The following ERC1 variants were observed in gnomAD, a reference collection of about 807,000 sequenced individuals.
ERC1 encodes the protein RAB6 interacting protein 2.
In ERC1, 56 loss-of-function variants were observed where a neutral mutation model predicts 132.0. The observed-to-expected ratio is 0.42, with a 90% confidence interval of 0.34 to 0.53. The LOEUF (loss-of-function observed/expected upper bound fraction) is 0.53, where lower values mean the gene tolerates loss of function less well. ERC1 is among the 20% of genes least tolerant of loss of function. ERC1 has a pLI of 0.03. For synonymous variants in ERC1, 478 were observed against 476.1 expected (o/e 1.00, Z -0.05); for missense variants, 1,202 against 1,349.9 (o/e 0.89, Z 1.72).
intron 13 of ERC1, 48 bp downstream of exon 13, chr12:1,236,952 C>T (rs1024941010): frequency 6.2e-7 from 1 of 1,602,780 alleles, no homozygotes; most frequent in African/African-American, 1.3e-5. Context: ...GACATTTGAT[C>T]CGTAATCGCA....
chr12:1,377,218 T>G (rs1809017069), intron 16 of ERC1, among the ~76,000 whole-genome samples: 1 of 152,218 alleles, frequency 6.6e-6, no homozygotes, highest in African/African-American at 2.4e-5. Flanking sequence ...TTTTATTAAC[T>G]TCCGTCCACT....
intron 16 of ERC1, among the ~76,000 whole-genome samples, chr12:1,379,844 A>G (rs2088422561): frequency 6.6e-6 from 1 of 152,166 alleles, no homozygotes; most frequent in South Asian, 2.1e-4. Context: ...CACACAGACC[A>G]ACCCTTATAT....
intron 2 of ERC1, among the ~76,000 whole-genome samples, chr12:1,058,266 A>G (rs1371657239): frequency 2.6e-5 from 4 of 152,234 alleles, no homozygotes; most frequent in East Asian, 1.9e-4. Context: ...TTCCTAGACC[A>G]GTGTCCTCAA....
At chr12:1,424,848 A>AGAT (rs1357593078) in intron 17 of ERC1, among the ~76,000 whole-genome samples, 52 of 109,708 alleles carry the variant, frequency 4.7e-4, no homozygotes, top group Non-Finnish European at 6.2e-4. Flanking sequence ...GATAGATGAT[A>AGAT]GATAGATAGA....
At chr12:1,061,801 C>G (rs1937984339) in intron 2 of ERC1, among the ~76,000 whole-genome samples, 1 of 150,890 alleles carries the variant, frequency 6.6e-6, no homozygotes, top group Non-Finnish European at 1.5e-5. Context: ...GTCTTTATTT[C>G]TTACACTAAT....
At chr12:1,250,487 G>T (rs118107700) in intron 13 of ERC1, among the ~76,000 whole-genome samples, 2,764 of 152,108 alleles carry the variant, frequency 0.018, 41 homozygotes, top group Non-Finnish European at 0.03. Context: ...TTTCTTTTTA[G>T]TTTTTCTTAA....
At chr12:1,465,234 T>A (rs1018790188) in intron 18 of ERC1, among the ~76,000 whole-genome samples, 1 of 152,216 alleles carries the variant, frequency 6.6e-6, no homozygotes, top group African/African-American at 2.4e-5. Flanking sequence ...GAATGTGACC[T>A]GCACCAATGC....
intron 15 of ERC1, among the ~76,000 whole-genome samples, chr12:1,304,506 G>A (rs2080683913): frequency 6.6e-6 from 1 of 152,146 alleles, no homozygotes; most frequent in South Asian, 2.1e-4. Flanking sequence ...TAGTCTTTAA[G>A]GCACTCTGCG....
intron 12 of ERC1, among the ~76,000 whole-genome samples, chr12:1,229,620 AAT>A (rs1281046764): frequency 6.6e-6 from 1 of 152,178 alleles, no homozygotes; most frequent in African/African-American, 2.4e-5. Flanking sequence ...TAATTTTCAT[AAT>A]ATTCTCCTTG....
intron 12 of ERC1, among the ~76,000 whole-genome samples, chr12:1,233,875 G>A (rs2075237300): frequency 1.3e-5 from 2 of 152,134 alleles, no homozygotes; most frequent in South Asian, 4.2e-4. Flanking sequence ...AAATAAAGTA[G>A]CCGTAAGAAA....
chr12:1,006,051 G>A (rs763614111), intron 1 of ERC1, among the ~76,000 whole-genome samples: 10 of 151,072 alleles, frequency 6.6e-5, no homozygotes, highest in Non-Finnish European at 1.2e-4. Flanking sequence ...TCTGCTTCCC[G>A]GGTTCAAGCA....
chr12:1,165,260 C>G (rs1262946902), intron 8 of ERC1, among the ~76,000 whole-genome samples: 2 of 151,842 alleles, frequency 1.3e-5, no homozygotes, highest in Non-Finnish European at 2.9e-5. Context: ...ACAAGACTGC[C>G]TTTTAGAAGA....
chr12:1,160,122 T>G (rs1951754280), intron 8 of ERC1, among the ~76,000 whole-genome samples: 1 of 152,194 alleles, frequency 6.6e-6, no homozygotes, highest in Non-Finnish European at 1.5e-5. Flanking sequence ...AACAAATCGT[T>G]TAGACTAACA....
At chr12:1,233,470 CAAAAAAA>C (rs60542316) in intron 12 of ERC1, among the ~76,000 whole-genome samples, 3 of 71,496 alleles carry the variant, frequency 4.2e-5, no homozygotes, top group East Asian at 9.0e-4. Flanking sequence ...GACCCTGTCT[CAAAAAAA>C]AAAAAAAAAA....
In ERC1 at chr12:1,027,914, G is replaced by A. The variant is rs1254360570; in HGVS notation, c.11G>A (p.Ser4Asn). 3.1e-6 allele frequency: 5 copies of A among 1,605,064 alleles called. No individual in the cohort carries two copies. Among genetic ancestry groups the A allele is most frequent in the Non-Finnish European group, 3.4e-6 (4 of 1,173,858 alleles). Residue 4 changes from serine (S) to asparagine (N), a missense_variant, in exon 2 of 19, where the codon AGT becomes AAT. Coordinates refer to ENST00000360905, the MANE Select transcript of ERC1 (RefSeq NM_178040.4). ...CCTGACCTTGCAACCATGTATGGAA[G>A]TGCCCGCTCTGTTGGGAAGGTGGAG... MYG[S>N]ARSVGKVEPS... is the part of the protein sequence containing the mutation.
At chr12:1,415,702 CA>C (rs1216038626) in intron 17 of ERC1, among the ~76,000 whole-genome samples, 1 of 152,058 alleles carries the variant, frequency 6.6e-6, no homozygotes, top group East Asian at 1.9e-4. Flanking sequence ...GAAAATGGTC[CA>C]AAAACCAATT....
chr12:1,243,039 T>A (rs1213164694), intron 13 of ERC1, among the ~76,000 whole-genome samples: 2 of 150,026 alleles, frequency 1.3e-5, no homozygotes, highest in African/African-American at 2.5e-5. Context: ...TACAAAAAAT[T>A]AGCCAGGCGC....
intron 14 of ERC1, among the ~76,000 whole-genome samples, chr12:1,270,310 C>T (rs746439736): frequency 2.6e-5 from 4 of 152,214 alleles, no homozygotes; most frequent in African/African-American, 7.2e-5. Context: ...CGGGTTCAAG[C>T]GATTCTTGGG....
intron 12 of ERC1, among the ~76,000 whole-genome samples, chr12:1,201,283 C>T (rs999766908): frequency 6.6e-6 from 1 of 152,008 alleles, no homozygotes; most frequent in African/African-American, 2.4e-5. Flanking sequence ...TTTTTTCTTT[C>T]TCAGTAATAT....
Sources: gnomAD v4.1 joint callset for allele counts (sites outside exome capture counted in the v4.1 genomes callset) on GRCh38, gnomAD v4.1.1 for gene constraint, MANE v1.5 for transcripts, NCBI Gene and HGNC (gene_info 2026-07-23, HGNC 2026-07-21) for gene names.